The following TAS2R10 variants were observed in gnomAD, a reference collection of about 807,000 sequenced individuals.
The protein encoded by TAS2R10 is taste receptor type 2 member 10.
For synonymous variants in TAS2R10, 144 were observed against 126.6 expected (o/e 1.14, Z -0.92); for missense variants, 385 against 362.0 (o/e 1.06, Z -0.52).
chr12:10,826,252 T>C (rs199818784), exon 1 of TAS2R10: 38 of 1,609,218 alleles, frequency 2.4e-5, no homozygotes, highest in African/African-American at 5.4e-5. Flanking sequence ...TGAAGATGCC[T>C]TCCACTACAC....
rs747951830 is a variant in TAS2R10 at position 10,825,704 on chromosome 12, G to T, written c.566C>A (p.Ser189Tyr). The change falls in exon 1 of 1, where the codon TCC becomes TAC. Residue 189 changes from serine to tyrosine, a missense_variant. Ser to Tyr is a moderately radical substitution (Grantham distance 144). Coordinates refer to ENST00000240619, the Ensembl canonical transcript of TAS2R10. ...GATTAAAAAAATACATGTAATTAGG[G>T]ATAGTGTAAAGAAGAAAATGACTCC... is the stretch of plus-strand genomic sequence containing the variant. The T allele has an allele frequency of 6.2e-7, 1 of 1,613,392 alleles. No individual in the cohort carries two copies.
chr12:10,825,351 T>C (rs759383575), exon 1 of TAS2R10: 4 of 1,606,816 alleles, frequency 2.5e-6, no homozygotes, highest in Non-Finnish European at 3.4e-6. Flanking sequence ...GGTGTCTATG[T>C]GACTCTGAGA....
At chr12:10,825,610 T>G in exon 1 of TAS2R10, 1 of 1,613,782 alleles carries the variant, frequency 6.2e-7, no homozygotes. Flanking sequence ...TCACATGAGC[T>G]TCTGTGTTGG....
At chr12:10,825,313 C>T (rs1180531715), downstream of TAS2R10, 1 of 1,529,436 alleles carries the variant, frequency 6.5e-7, no homozygotes, top group South Asian at 1.2e-5. Context: ...CACTGGATTC[C>T]TTTCGTGGAA....
At chr12:10,826,032 G>C (rs776949754) in exon 1 of TAS2R10, 2 of 1,613,286 alleles carry the variant, frequency 1.2e-6, no homozygotes, top group Non-Finnish European at 1.7e-6. Context: ...TATTCAATTA[G>C]GTTACCGGAG....
At chr12:10,825,679 G>C in exon 1 of TAS2R10, 2 of 1,613,468 alleles carry the variant, frequency 1.2e-6, no homozygotes, top group African/African-American at 2.7e-5. Context: ...AAAGGGAAAT[G>C]ATTAAAAAAA....
exon 1 of TAS2R10, chr12:10,825,565 G>C: frequency 6.2e-7 from 1 of 1,613,676 alleles, no homozygotes; most frequent in Non-Finnish European, 8.5e-7. Context: ...ACAAGATAAA[G>C]AGGATGATGA....
chr12:10,826,188 C>T (rs781456077), exon 1 of TAS2R10: 2 of 1,613,250 alleles, frequency 1.2e-6, no homozygotes, highest in Non-Finnish European at 8.5e-7. Context: ...TTTACAAGTC[C>T]AATAAATCCA....
exon 1 of TAS2R10, chr12:10,826,064 A>G (rs753785467): frequency 1.2e-6 from 2 of 1,613,086 alleles, no homozygotes; most frequent in South Asian, 2.2e-5. Flanking sequence ...TGGAGAGAAT[A>G]TCTGTATAAA....
At chr12:10,825,683 A>T in the TAS2R10 span, 11 of 1,613,548 alleles carry the variant, frequency 6.8e-6, no homozygotes, top group Non-Finnish European at 8.5e-6. Flanking sequence ...GGAAATGATT[A>T]AAAAAATACA....
Position 10,825,377 on chromosome 12 carries a change from C to A in TAS2R10, c.893G>T (p.Cys298Phe), listed in dbSNP as rs762850037. ...GACTCTGAGATTTTTCCTTTTCTCA[C>A]AGCACTTCAATTGCTGCAGTACCCT... Residue 298 changes from cysteine (C) to phenylalanine (F), a missense_variant, in exon 1 of 1, where the codon TGT becomes TTT. By Grantham distance (205) the Cys-to-Phe change is radical. Transcript: ENST00000240619. 3.7e-6 allele frequency: 6 copies of A among 1,611,532 alleles called. No individual in the cohort carries two copies. The Admixed American group carries it at 8.4e-5, about 23-fold the overall frequency.
chr12:10,825,760 T>C, exon 1 of TAS2R10: 1 of 1,613,244 alleles, frequency 6.2e-7, no homozygotes, highest in Non-Finnish European at 8.5e-7. Flanking sequence ...TAATAAAGTA[T>C]TCACTTTTAT....
exon 1 of TAS2R10, chr12:10,826,047 A>G (rs1477468993): frequency 3.1e-6 from 5 of 1,613,232 alleles, no homozygotes; most frequent in Non-Finnish European, 4.2e-6. Context: ...CCGGAGGCAT[A>G]TATATTTGGA....
At chr12:10,825,667 C>G in exon 1 of TAS2R10, 1 of 1,613,410 alleles carries the variant, frequency 6.2e-7, no homozygotes, top group Non-Finnish European at 8.5e-7. Context: ...TGTTGTGTCT[C>G]CAAAGGGAAA....
exon 1 of TAS2R10, chr12:10,825,740 A>G (rs1591615776): frequency 1.2e-6 from 2 of 1,613,296 alleles, no homozygotes; most frequent in Admixed American, 1.7e-5. Context: ...CAGATTTAGC[A>G]AAATCTGTTT....
exon 1 of TAS2R10, chr12:10,825,374 T>C: frequency 6.2e-7 from 1 of 1,611,320 alleles, no homozygotes. Context: ...TTTCCTTTTC[T>C]CACAGCACTT....
chr12:10,825,728 C>T, exon 1 of TAS2R10: 1 of 1,613,356 alleles, frequency 6.2e-7, no homozygotes, highest in Non-Finnish European at 8.5e-7. Context: ...GAAAATGACT[C>T]CCAGATTTAG....
At chr12:10,825,841 A>G in exon 1 of TAS2R10, 2 of 1,612,734 alleles carry the variant, frequency 1.2e-6, no homozygotes, top group Admixed American at 1.7e-5. Context: ...TGTATGCAAA[A>G]TTAAGTAACG....
chr12:10,825,570 T>G (rs892309690), exon 1 of TAS2R10: 7 of 1,613,586 alleles, frequency 4.3e-6, no homozygotes, highest in Non-Finnish European at 5.9e-6. Flanking sequence ...ATAAAGAGGA[T>G]GATGAAAGAT....
Sources: gnomAD v4.1 joint callset for allele counts on GRCh38, gnomAD v4.1.1 for gene constraint, MANE v1.5 for transcripts, NCBI Gene and HGNC (gene_info 2026-07-23, HGNC 2026-07-21) for gene names.